Variants in SNX29 observed in about 807,000 individuals in gnomAD.
SNX29 encodes sorting nexin-29.
Under a neutral mutation model 102.1 loss-of-function variants are expected in SNX29, and 78 were observed. That is an observed-to-expected ratio of 0.76 (90% CI 0.64 to 0.92). The LOEUF is 0.92. Among genes scored for constraint, SNX29 ranks in the 40% least tolerant of loss-of-function variants. SNX29 has a pLI of 0.00. For synonymous variants in SNX29, 580 were observed against 414.5 expected, an observed-to-expected ratio of 1.40 and a Z score of -4.85; for missense variants, 1,280 against 1,061.7, an observed-to-expected ratio of 1.21 and a Z score of -2.86.
At chr16:12,259,537 C>T (rs1225675135) in intron 14 of SNX29, among the ~76,000 whole-genome samples, 2 of 152,198 alleles carry the variant, frequency 1.3e-5, no homozygotes, top group South Asian at 2.1e-4. Flanking sequence ...GCGCAGAGGA[C>T]TGAGGAGCGG....
chr16:12,263,770 A>G (rs2078847450), intron 14 of SNX29, among the ~76,000 whole-genome samples: 2 of 152,152 alleles, frequency 1.3e-5, no homozygotes, highest in South Asian at 2.1e-4. Context: ...ACATATATAT[A>G]TATTTTTTGC....
chr16:12,077,594 C>A (rs755228372), intron 10 of SNX29, among the ~76,000 whole-genome samples: 2 of 152,086 alleles, frequency 1.3e-5, no homozygotes, highest in Non-Finnish European at 2.9e-5. Context: ...AGGGGAAGTA[C>A]ATGGTTAAGT....
At chr16:12,017,598 G>A (rs905886241) in intron 3 of SNX29, among the ~76,000 whole-genome samples, 7 of 152,088 alleles carry the variant, frequency 4.6e-5, no homozygotes, top group Non-Finnish European at 8.8e-5. Flanking sequence ...TTCGAGTACT[G>A]CATCTTATCC....
At position 12,227,770 on chromosome 16, in the gene SNX29, C is replaced by T. The variant is rs528257484; in HGVS notation, c.1678+28087C>T. 3.9e-5 allele frequency among the ~76,000 whole-genome samples: 6 copies of T among 152,002 alleles called. No homozygotes were observed. The South Asian group carries it at 6.2e-4, about 16-fold the overall frequency. On this transcript the variant is annotated intron_variant, in intron 14 of 20. Transcript: ENST00000566228. ...CAAAAAGTAGCCAGGCATGGTGGCT[C>T]GTGCTTGTAATCCCAGCTACTCGGG... is the stretch of plus-strand genomic sequence containing the variant.
chr16:11,986,286 C>A (rs1233116056), intron 1 of SNX29, among the ~76,000 whole-genome samples: 1 of 151,650 alleles, frequency 6.6e-6, no homozygotes, highest in African/African-American at 2.4e-5. Flanking sequence ...TACCCCGCTT[C>A]CTCCGAGGAG....
chr16:12,550,018 T>G (rs577337946), intron 20 of SNX29, among the ~76,000 whole-genome samples: 1 of 152,310 alleles, frequency 6.6e-6, no homozygotes, highest in African/African-American at 2.4e-5. Flanking sequence ...CAAAGTTGAG[T>G]TGTAACTGAG....
At chr16:12,152,220 T>TA (rs577286121) in intron 13 of SNX29, among the ~76,000 whole-genome samples, 64 of 149,096 alleles carry the variant, frequency 4.3e-4, no homozygotes, top group East Asian at 7.8e-4. Flanking sequence ...GACCCTATCT[T>TA]AAAAAAAAAA....
chr16:12,498,543 A>C (rs981886729), intron 19 of SNX29, among the ~76,000 whole-genome samples: 1 of 152,228 alleles, frequency 6.6e-6, no homozygotes, highest in African/African-American at 2.4e-5. Context: ...CACATCTTTC[A>C]TGAGCACCTA....
At chr16:12,558,028 G>A (rs1375086947) in intron 20 of SNX29, among the ~76,000 whole-genome samples, 1 of 152,182 alleles carries the variant, frequency 6.6e-6, no homozygotes. Context: ...GGAGAGCACT[G>A]TGAGGTAATT....
At chr16:12,441,989 A>T (rs552683995) in intron 18 of SNX29, among the ~76,000 whole-genome samples, 42 of 152,230 alleles carry the variant, frequency 2.8e-4, no homozygotes, top group African/African-American at 7.9e-4. Context: ...CTTGTTGGCC[A>T]GGCTGGTCTT....
intron 14 of SNX29, among the ~76,000 whole-genome samples, chr16:12,231,449 T>C (rs532998522): frequency 1.3e-5 from 2 of 152,344 alleles, no homozygotes; most frequent in African/African-American, 4.8e-5. Context: ...TTGACTGCAT[T>C]GCTGTAATTT....
At chr16:12,527,141 G>T in intron 20 of SNX29, 1 of 510,106 alleles carries the variant, frequency 2.0e-6, no homozygotes, top group Non-Finnish European at 3.9e-6. Flanking sequence ...AAATCCCACA[G>T]CCCCCTTCTC....
intron 20 of SNX29, among the ~76,000 whole-genome samples, chr16:12,538,649 A>G (rs2077185126): frequency 2.0e-5 from 3 of 152,104 alleles, no homozygotes; most frequent in Non-Finnish European, 4.4e-5. Flanking sequence ...CTGGGCTGTG[A>G]AACAGAAAGA....
chr16:12,558,567 C>T lies in SNX29; in HGVS notation c.2319-9939C>T, dbSNP rs59062400. On this transcript the variant is annotated intron_variant, in intron 20 of 20. Transcript: ENST00000566228. ...GTGCCATGCCTCTCAGTACCCCGTC[C>T]ATGGTGGATCCATACACCTGTCACT... is the stretch of plus-strand genomic sequence containing the variant. Among the ~76,000 whole-genome samples the T allele has an allele frequency of 6.6e-3, 1,012 of 152,324 alleles. 12 individuals carry two copies. Among genetic ancestry groups the T allele is most frequent in the African/African-American group, 0.023 (964 of 41,566 alleles).
chr16:12,276,464 C>G (rs79647542), intron 14 of SNX29, among the ~76,000 whole-genome samples: 2,842 of 152,222 alleles, frequency 0.019, 105 homozygotes, highest in African/African-American at 0.065. Context: ...TCAGTTTTGA[C>G]TCCTGGTTTT....
intron 18 of SNX29, among the ~76,000 whole-genome samples, chr16:12,439,101 G>C (rs908033368): frequency 2.0e-5 from 3 of 152,214 alleles, no homozygotes; most frequent in African/African-American, 7.2e-5. Context: ...TCCCTCATCA[G>C]TGAAGCCAGT....
Position 12,183,567 on chromosome 16 carries a change from C to G in SNX29, c.1596-16034C>G, listed in dbSNP as rs538475316. On this transcript the variant is annotated intron_variant, in intron 13 of 20. Coordinates refer to ENST00000566228, the MANE Select transcript of SNX29 (RefSeq NM_032167.5). The stretch of plus-strand genomic sequence containing the variant: ...TGTTTCAGACATTGTGATTCTTTTT[C>G]CCTGAACTCTTCTGCACTTCTTTCC... Among the ~76,000 whole-genome samples the G allele has an allele frequency of 1.2e-4, 18 of 152,254 alleles. No individual in the cohort carries two copies. In the East Asian group the frequency reaches 2.9e-3, roughly 24 times the overall value.
At chr16:12,064,296 A>G (rs923085929) in intron 9 of SNX29, among the ~76,000 whole-genome samples, 2 of 152,138 alleles carry the variant, frequency 1.3e-5, no homozygotes, top group African/African-American at 2.4e-5. Flanking sequence ...CTTTGGTCTT[A>G]GAGAACCCAG....
chr16:12,536,345 G>T (rs1006777890), intron 20 of SNX29, among the ~76,000 whole-genome samples: 1 of 152,064 alleles, frequency 6.6e-6, no homozygotes, highest in Non-Finnish European at 1.5e-5. Context: ...GAAACAAGCC[G>T]TACTGTCAGG....
Sources: allele counts gnomAD v4.1 joint callset (sites outside exome capture counted in the v4.1 genomes callset), GRCh38; gene constraint gnomAD v4.1.1; transcripts MANE v1.5; gene names NCBI Gene and HGNC (gene_info 2026-07-23, HGNC 2026-07-21).